The following ALCAM variants were observed in gnomAD, a reference collection of about 807,000 sequenced individuals.
ALCAM encodes the protein CD166 antigen.
In ALCAM, 30 loss-of-function variants were observed where a neutral mutation model predicts 70.9. The ratio of observed to expected loss-of-function variants is 0.42; its 90% CI spans 0.32 to 0.57. ALCAM has a LOEUF of 0.57. Among genes scored for constraint, ALCAM ranks in the 20% least tolerant of loss-of-function variants. The probability of loss-of-function intolerance (pLI) is 0.11; values close to 1 mark genes in which losing one functional copy is unlikely to be tolerated. For synonymous variants in ALCAM, 249 were observed against 242.5 expected, an observed-to-expected ratio of 1.03 and a Z score of -0.25; for missense variants, 591 against 695.1, an observed-to-expected ratio of 0.85 and a Z score of 1.68.
Position 105,367,377 on chromosome 3 carries a change from C to T in ALCAM, c.-32C>T. The T allele has an allele frequency of 6.2e-7, 1 of 1,611,612 alleles. No homozygotes were observed. The highest frequency in any genetic ancestry group is 8.5e-7 in the Non-Finnish European group (1 of 1,178,256). On this transcript the variant is annotated 5_prime_UTR_variant, in exon 1 of 16. Coordinates refer to ENST00000306107, the MANE Select transcript of ALCAM (RefSeq NM_001627.4). Reference sequence around the variant, plus strand: ...GACGCCCCCTCCTGCGGCGTGGACTCCGTCAGTGGCCCACCAAGAAGGAGG... The same window carrying T: ...GACGCCCCCTCCTGCGGCGTGGACTTCGTCAGTGGCCCACCAAGAAGGAGG...
At chr3:105,564,104 C>T (rs940405222) in intron 14 of ALCAM, among the ~76,000 whole-genome samples, 3 of 151,246 alleles carry the variant, frequency 2.0e-5, no homozygotes, top group East Asian at 1.9e-4. Flanking sequence ...GAATACTCCA[C>T]GGACATTTGA....
chr3:105,442,242 C>T (rs1356718376), intron 1 of ALCAM, among the ~76,000 whole-genome samples: 1 of 152,078 alleles, frequency 6.6e-6, no homozygotes, highest in East Asian at 1.9e-4. Flanking sequence ...TTTGAGGTAT[C>T]AGGACACATT....
At chr3:105,439,499 A>C (rs1937125222) in intron 1 of ALCAM, 1 of 152,220 alleles carries the variant, frequency 6.6e-6, no homozygotes, top group African/African-American at 2.4e-5. Flanking sequence ...AGTACTCCAC[A>C]AATTACAGTT....
At chr3:105,572,631 C>T (rs1410342774) in intron 15 of ALCAM, among the ~76,000 whole-genome samples, 4 of 152,100 alleles carry the variant, frequency 2.6e-5, no homozygotes, top group South Asian at 2.1e-4. Flanking sequence ...ATGGTATTTC[C>T]GGTTCTATAT....
At chr3:105,519,227 C>T (rs1939467218) in intron 1 of ALCAM, among the ~76,000 whole-genome samples, 2 of 151,812 alleles carry the variant, frequency 1.3e-5, no homozygotes, top group African/African-American at 4.8e-5. Context: ...GTTTTTTTAA[C>T]CTTCATAAAT....
At chr3:105,414,617 C>G (rs1222423514) in intron 1 of ALCAM, among the ~76,000 whole-genome samples, 1 of 152,034 alleles carries the variant, frequency 6.6e-6, no homozygotes, top group Non-Finnish European at 1.5e-5. Context: ...TGAGAAAGCT[C>G]AGAGCATGTT....
chr3:105,568,998 C>G (rs968487459), intron 14 of ALCAM, among the ~76,000 whole-genome samples: 2 of 151,778 alleles, frequency 1.3e-5, no homozygotes, highest in Admixed American at 1.3e-4. Flanking sequence ...CCATACAGGT[C>G]AAGGCAGATT....
At chr3:105,474,319 G>A (rs1190885150) in intron 1 of ALCAM, among the ~76,000 whole-genome samples, 2 of 151,690 alleles carry the variant, frequency 1.3e-5, no homozygotes, top group Admixed American at 1.3e-4. Flanking sequence ...TGTTATGCAT[G>A]AAGCAACTTT....
chr3:105,425,159 A>G (rs1169540004), intron 1 of ALCAM, among the ~76,000 whole-genome samples: 1 of 151,784 alleles, frequency 6.6e-6, no homozygotes, highest in Non-Finnish European at 1.5e-5. Context: ...GAACCTTCGA[A>G]ATCTTGTTTT....
At chr3:105,404,604 T>C (rs1936173345) in intron 1 of ALCAM, among the ~76,000 whole-genome samples, 1 of 149,878 alleles carries the variant, frequency 6.7e-6, no homozygotes, top group African/African-American at 2.5e-5. Flanking sequence ...CTGAAACAAA[T>C]CCTCAATATA....
chr3:105,563,572 G>A (rs924232517), intron 14 of ALCAM, among the ~76,000 whole-genome samples: 2 of 150,264 alleles, frequency 1.3e-5, no homozygotes, highest in Admixed American at 6.6e-5. Context: ...CACAAATATC[G>A]GTATGTTGTG....
rs542029605 is a variant in ALCAM, at chr3:105,531,868, A to G, written c.395-134A>G. On this transcript the variant is annotated intron_variant, in intron 3 of 15. Coordinates refer to ENST00000306107, the MANE Select transcript of ALCAM (RefSeq NM_001627.4). ...TATAGATTCCCCAAATCCAGATTGT[A>G]TAACGAAATCTATTTTTATTCTGTT... 5.2e-6 allele frequency: 4 copies of G among 776,538 alleles called. No homozygotes were observed. In the South Asian group the frequency reaches 5.9e-5, roughly 12 times the overall value. The allele number at this position is 776,538 out of a possible 1,614,324, so 48.1% of individuals were successfully genotyped here.
At chr3:105,460,997 G>GGTGTGTGT (rs138541739) in intron 1 of ALCAM, among the ~76,000 whole-genome samples, 11 of 148,154 alleles carry the variant, frequency 7.4e-5, no homozygotes, top group South Asian at 2.1e-4. Context: ...AAGTAAATAT[G>GGTGTGTGT]GTGTGTGTGT....
chr3:105,520,058 C>A lies in ALCAM; in HGVS notation c.74-9C>A. The A allele has an allele frequency of 6.8e-7, 1 of 1,473,998 alleles. No individual in the cohort carries two copies. Among genetic ancestry groups the A allele is most frequent in the Non-Finnish European group, 9.2e-7 (1 of 1,090,818 alleles). The allele number at this position is 1,473,998 out of a possible 1,614,324, so 91.3% of individuals were successfully genotyped here. ...TTCTCTCTTCTTCCTTTTTTTTTTT[C>A]CCCCAAAGGCCTTGGATGGTATACT... On this transcript the variant is annotated splice_polypyrimidine_tract_variant and intron_variant, in intron 1 of 15. Transcript: ENST00000306107.
rs139043464 is a variant in ALCAM at position 105,458,205 on chromosome 3, A to G, written c.74-61862A>G. ...TAGATATATTGCAAATCATTATACA[A>G]CTGTAGGAAATTATTATTTCAACCA... On this transcript the variant is annotated intron_variant, in intron 1 of 15. Coordinates refer to ENST00000306107, the MANE Select transcript of ALCAM (RefSeq NM_001627.4). 2.6e-3 allele frequency among the ~76,000 whole-genome samples: 390 copies of G among 152,290 alleles called. 3 individuals are homozygous for G. Among genetic ancestry groups the G allele is most frequent in the Middle Eastern group, 3.4e-3 (1 of 294 alleles).
intron 3 of ALCAM, chr3:105,524,746 A>T: frequency 7.9e-7 from 1 of 1,262,928 alleles, no homozygotes; most frequent in Non-Finnish European, 1.0e-6. Flanking sequence ...TTACTTTGTC[A>T]TGTAAAAATG....
intron 2 of ALCAM, among the ~76,000 whole-genome samples, chr3:105,520,690 T>C (rs1027468422): frequency 1.5e-4 from 23 of 152,154 alleles, no homozygotes; most frequent in Non-Finnish European, 2.9e-4. Flanking sequence ...CCCATATTTC[T>C]TGCAGATAGT....
intron 1 of ALCAM, among the ~76,000 whole-genome samples, chr3:105,396,227 T>C (rs535322821): frequency 1.7e-4 from 26 of 152,168 alleles, no homozygotes; most frequent in Middle Eastern, 3.4e-3. Flanking sequence ...TTCAAGGATG[T>C]GGCTGCTGTG....
Position 105,524,756 on chromosome 3 carries a change from G to A in ALCAM, c.394+248G>A, listed in dbSNP as rs1276560175. Reference sequence around the variant, plus strand: ...CTCTGTTACTTTGTCATGTAAAAATGTCGTGAGCTATGAAGTACTACTACT... The same window carrying A: ...CTCTGTTACTTTGTCATGTAAAAATATCGTGAGCTATGAAGTACTACTACT... On this transcript the variant is annotated intron_variant, in intron 3 of 15. Transcript: ENST00000306107. The A allele has an allele frequency of 2.4e-6, 3 of 1,247,074 alleles. No individual in the cohort carries two copies. The East Asian group carries it at 1.0e-4, about 42-fold the overall frequency. The allele number at this position is 1,247,074 out of a possible 1,614,324, so 77.3% of individuals were successfully genotyped here.
Sources: gnomAD v4.1 joint callset for allele counts (sites outside exome capture counted in the v4.1 genomes callset) on GRCh38, gnomAD v4.1.1 for gene constraint, MANE v1.5 for transcripts, NCBI Gene and HGNC (gene_info 2026-07-23, HGNC 2026-07-21) for gene names.